TMEM268: variants seen among roughly 807,000 people sequenced by gnomAD.
TMEM268 encodes the protein transmembrane protein 268.
TMEM268 carries 24 observed loss-of-function variants against 39.1 expected under a neutral mutation model. That is an observed-to-expected ratio of 0.61 (90% CI 0.44 to 0.86). The LOEUF (loss-of-function observed/expected upper bound fraction) is 0.86. TMEM268 is among the 40% of genes least tolerant of loss of function. The pLI is 0.00. For synonymous variants in TMEM268, 176 were observed against 173.5 expected (o/e 1.01, Z -0.12); for missense variants, 409 against 428.6 (o/e 0.95, Z 0.40).
chr9:114,605,514 C>G, the TMEM268 span, among the ~76,000 whole-genome samples: 5 of 152,132 alleles, frequency 3.3e-5, no homozygotes, highest in East Asian at 9.6e-4. Context: ...CCACTGGCTC[C>G]TGGGTCAGCT....
intron 5 of TMEM268, among the ~76,000 whole-genome samples, chr9:114,628,691 G>A: frequency 6.6e-6 from 1 of 152,094 alleles, no homozygotes; most frequent in East Asian, 1.9e-4. Flanking sequence ...TGCCGACCTG[G>A]TGCTCTATTG....
At chr9:114,640,388 G>A (rs1589363106) in intron 8 of TMEM268, among the ~76,000 whole-genome samples, 2 of 152,210 alleles carry the variant, frequency 1.3e-5, no homozygotes, top group Non-Finnish European at 1.5e-5. Context: ...TAGGAACCTA[G>A]TGTCTGTAAA....
rs755136818 is a variant in TMEM268 at position 114,643,143 on chromosome 9, C to T, written c.859C>T (p.Arg287Cys). Residue 287 changes from arginine (R) to cysteine (C), a missense_variant, in exon 9 of 9, where the codon CGC becomes TGC. Arg to Cys is a radical substitution (Grantham distance 180). Transcript: ENST00000288502. ...VPEAEPEEMA[R>C]QLLAVFGGYY... ...TCCCTGCCTCTTCTAGGAAATGGCC[C>T]GCCAGCTGCTGGCAGTGTTTGGCGG... The T allele has an allele frequency of 1.5e-5, 24 of 1,613,982 alleles. No individual in the cohort carries two copies. Among genetic ancestry groups the T allele is most frequent in the South Asian group, 1.2e-4 (11 of 91,086 alleles).
chr9:114,614,972 C>T (rs933085275), intron 1 of TMEM268, among the ~76,000 whole-genome samples: 1 of 150,624 alleles, frequency 6.6e-6, no homozygotes, highest in Non-Finnish European at 1.5e-5. Context: ...TCTCGGCTCA[C>T]TGCAGTCTCT....
chr9:114,620,392 G>A (rs1301486277), intron 2 of TMEM268, among the ~76,000 whole-genome samples: 2 of 151,864 alleles, frequency 1.3e-5, no homozygotes, highest in East Asian at 1.9e-4. Context: ...CGACAGGCAC[G>A]TGCCACCACG....
chr9:114,637,765 C>T (rs185137382), intron 7 of TMEM268, among the ~76,000 whole-genome samples: 11 of 152,222 alleles, frequency 7.2e-5, no homozygotes, highest in Admixed American at 2.6e-4. Context: ...GACCTGTTAC[C>T]GGCCTGTGGT....
rs1030410248 is a variant in TMEM268 at position 114,621,361 on chromosome 9, A to G, written c.107-2989A>G. Among the ~76,000 whole-genome samples, 6 of 145,052 alleles carry G rather than the reference A, an allele frequency of 4.1e-5. No homozygotes were observed. The East Asian group carries it at 8.2e-4, about 20-fold the overall frequency. On this transcript the variant is annotated intron_variant, in intron 2 of 8. Transcript: ENST00000288502. ...ATGCTGTCTCAAAAAAAAAAAAAAG[A>G]AAAAGAACCTTTTCCTATCTTATTA...
intron 1 of TMEM268, among the ~76,000 whole-genome samples, chr9:114,612,024 T>G (rs1215944757): frequency 6.6e-6 from 1 of 152,218 alleles, no homozygotes; most frequent in African/African-American, 2.4e-5. Flanking sequence ...TTTCTGGGTC[T>G]TAACGTCCTC....
chr9:114,628,303 G>A (rs1316811748), intron 5 of TMEM268, 53 bp downstream of exon 5: 42 of 1,581,476 alleles, frequency 2.7e-5, no homozygotes, highest in Admixed American at 6.8e-5. Context: ...CGGTGCAGGC[G>A]TGAGAATCAG....
At chr9:114,630,441 T>A (rs1350061724) in intron 5 of TMEM268, among the ~76,000 whole-genome samples, 1 of 152,206 alleles carries the variant, frequency 6.6e-6, no homozygotes, top group Non-Finnish European at 1.5e-5. Context: ...GGAGACTCCT[T>A]ATTTTCTTCC....
intron 2 of TMEM268, among the ~76,000 whole-genome samples, chr9:114,618,465 A>G (rs1845820882): frequency 6.6e-6 from 1 of 151,988 alleles, no homozygotes; most frequent in African/African-American, 2.4e-5. Flanking sequence ...ACAGTACTTG[A>G]GTACATGTTT....
Position 114,617,318 on chromosome 9 carries a change from T to G in TMEM268, c.106+17T>G, listed in dbSNP as rs1284844209. 1 of 1,581,630 alleles carries G rather than the reference T, an allele frequency of 6.3e-7. No individual in the cohort carries two copies. Among genetic ancestry groups the G allele is most frequent in the Non-Finnish European group, 8.7e-7 (1 of 1,152,230 alleles). On this transcript the variant is annotated intron_variant, in intron 2 of 8. Coordinates refer to ENST00000288502, the MANE Select transcript of TMEM268 (RefSeq NM_153045.4). ...GGGGGCAAGGTAAGATCATGACCTTTCATTTTCCACCTTCTTTCTACCTCA... is the reference window on the plus strand; with the variant it reads ...GGGGGCAAGGTAAGATCATGACCTTGCATTTTCCACCTTCTTTCTACCTCA...
intron 1 of TMEM268, chr9:114,615,703 C>G (rs1416179297): frequency 6.6e-6 from 1 of 151,752 alleles, no homozygotes; most frequent in African/African-American, 2.4e-5. Flanking sequence ...CTACTTTTTT[C>G]TTTTTTTTGA....
intron 3 of TMEM268, among the ~76,000 whole-genome samples, chr9:114,625,676 C>G (rs181676738): frequency 8.6e-5 from 13 of 151,908 alleles, no homozygotes; most frequent in African/African-American, 2.2e-4. Context: ...CTCCTGACTT[C>G]AAGTGATCCA....
chr9:114,609,747 GAAA>G (rs1564279470), upstream of TMEM268, among the ~76,000 whole-genome samples: 1 of 37,878 alleles, frequency 2.6e-5, no homozygotes, highest in East Asian at 1.6e-3. Context: ...AGGAAGGAAA[GAAA>G]GAAAGAAAGA....
chr9:114,621,405 C>T (rs1210832906), intron 2 of TMEM268, among the ~76,000 whole-genome samples: 1 of 151,324 alleles, frequency 6.6e-6, no homozygotes, highest in African/African-American at 2.4e-5. Flanking sequence ...ATACACCAAA[C>T]GTGTATTTAA....
intron 6 of TMEM268, 74 bp from the exon 7 acceptor site, chr9:114,636,916 A>T (rs1268853356): frequency 1.1e-6 from 1 of 897,660 alleles, no homozygotes; most frequent in East Asian, 2.4e-5. Flanking sequence ...GCTAAATAGG[A>T]CTGTCTCAGG....
intron 8 of TMEM268, among the ~76,000 whole-genome samples, chr9:114,642,860 A>AT (rs766180823): frequency 2.0e-5 from 3 of 151,864 alleles, no homozygotes; most frequent in Non-Finnish European, 4.4e-5. Context: ...TTTTGTGCGT[A>AT]TTATTATTGC....
At chr9:114,609,833 A>G (rs1845429803), upstream of TMEM268, among the ~76,000 whole-genome samples, 1 of 117,496 alleles carries the variant, frequency 8.5e-6, no homozygotes, top group Admixed American at 9.2e-5. Flanking sequence ...AGAAAGAAAG[A>G]GAGAAAGAAA....
Sources: allele counts gnomAD v4.1 joint callset (sites outside exome capture counted in the v4.1 genomes callset), GRCh38; gene constraint gnomAD v4.1.1; transcripts MANE v1.5; gene names NCBI Gene and HGNC (gene_info 2026-07-23, HGNC 2026-07-21).